The following RALGAPA1 variants were observed in gnomAD, a reference collection of about 807,000 sequenced individuals.
The protein encoded by RALGAPA1 is Ral GTPase activating protein catalytic subunit alpha 1, also known as ral GTPase-activating protein subunit alpha-1.
In RALGAPA1, 52 loss-of-function variants were observed where a neutral mutation model predicts 269.6. The observed-to-expected ratio is 0.19, with a 90% CI of 0.15 to 0.24. The LOEUF is 0.24. RALGAPA1 is among the 10% of genes least tolerant of loss of function. The pLI, the probability that RALGAPA1 is intolerant of heterozygous loss-of-function variation, is 1.00. For synonymous variants in RALGAPA1, 817 were observed against 1,008.3 expected, an observed-to-expected ratio of 0.81 and a Z score of 3.60; for missense variants, 1,917 against 3,013.9, an observed-to-expected ratio of 0.64 and a Z score of 8.52.
intron 37 of RALGAPA1, among the ~76,000 whole-genome samples, chr14:35,589,612 T>G (rs1372733125): frequency 1.3e-5 from 2 of 152,176 alleles, no homozygotes; most frequent in African/African-American, 4.8e-5. Flanking sequence ...GACAGCAGAA[T>G]AGTAATATAT....
chr14:35,544,642 C>T (rs936007621), intron 41 of RALGAPA1, among the ~76,000 whole-genome samples: 2 of 152,180 alleles, frequency 1.3e-5, no homozygotes, highest in Non-Finnish European at 2.9e-5. Flanking sequence ...TCTTGGTCAA[C>T]AACATATAAG....
At chr14:35,666,967 T>C (rs1595053692) in intron 26 of RALGAPA1, among the ~76,000 whole-genome samples, 1 of 152,238 alleles carries the variant, frequency 6.6e-6, no homozygotes, top group Admixed American at 6.5e-5. Flanking sequence ...AAGAGATTTA[T>C]AGTCTAAGTA....
Position 35,683,915 on chromosome 14 carries a change from C to G in RALGAPA1, c.4365G>C (p.Gln1455His). ...TAGCCACTTCCTGCTCTTCAGCACT[C>G]TGATGATGGCCAGAACCTGAATCCA... Reference protein sequence around the residue: ...ADVDSGSGHHQSAEEQEVASL... With the variant: ...ADVDSGSGHHHSAEEQEVASL... The change falls in exon 21 of 42, where the codon CAG becomes CAC. Residue 1455 changes from glutamine (Q) to histidine (H), a missense_variant. Around this residue, in one of 11 missense-constraint regions of RALGAPA1, gnomAD observed 615 missense variants for 790.0 expected, o/e 0.78. Transcript: ENST00000680220. 1 of 1,613,638 alleles carries G rather than the reference C, an allele frequency of 6.2e-7. No individual in the cohort carries two copies. Among genetic ancestry groups the G allele is most frequent in the Non-Finnish European group, 8.5e-7 (1 of 1,179,726 alleles).
At position 35,600,232 on chromosome 14, in the gene RALGAPA1, C is replaced by CTTTTTT. The variant is rs71124708; in HGVS notation, c.7054-4449_7054-4444dup. Among the ~76,000 whole-genome samples, 233 of 86,928 alleles carry CTTTTTT rather than the reference C, an allele frequency of 2.7e-3. 12 individuals carry two copies. The highest frequency in any genetic ancestry group is 9.3e-3 in the African/African-American group (214 of 22,894). 57.0% of individuals were successfully genotyped at this position (86,928 alleles called of 152,430 possible). On this transcript the variant is annotated intron_variant, in intron 36 of 41. Transcript: ENST00000680220. Reference sequence around the variant, plus strand: ...TCCTTTTTTTTCTTTTTCTTTTTTTCTTTTTTTTTTTTTTTTTGAGACAGG... The same window carrying CTTTTTT: ...TCCTTTTTTTTCTTTTTCTTTTTTTCTTTTTTTTTTTTTTTTTTTTTTTGAGACAGG...
At chr14:35,578,143 G>A (rs1256578079) in intron 37 of RALGAPA1, among the ~76,000 whole-genome samples, 3 of 152,110 alleles carry the variant, frequency 2.0e-5, no homozygotes, top group East Asian at 3.8e-4. Context: ...AACAGACATG[G>A]TCTCTGCTAG....
At chr14:35,797,713 C>T (rs1430284909) in intron 1 of RALGAPA1, among the ~76,000 whole-genome samples, 2 of 149,146 alleles carry the variant, frequency 1.3e-5, no homozygotes, top group Non-Finnish European at 3.0e-5. Context: ...GGAGTGGTGG[C>T]ACCTGCCTGT....
At chr14:35,764,263 G>T (rs543715940) in intron 4 of RALGAPA1, among the ~76,000 whole-genome samples, 21 of 151,804 alleles carry the variant, frequency 1.4e-4, no homozygotes, top group Admixed American at 1.1e-3. Context: ...GCTAATTTTT[G>T]TAATTTTTGT....
At chr14:35,581,460 A>G (rs952520766) in intron 37 of RALGAPA1, among the ~76,000 whole-genome samples, 1 of 152,216 alleles carries the variant, frequency 6.6e-6, no homozygotes, top group Non-Finnish European at 1.5e-5. Context: ...GAATCGCAGT[A>G]TCAGGACGTA....
intron 17 of RALGAPA1, among the ~76,000 whole-genome samples, chr14:35,695,837 A>G (rs2066853999): frequency 6.6e-6 from 1 of 152,214 alleles, no homozygotes; most frequent in African/African-American, 2.4e-5. Context: ...TATCAGGAAA[A>G]TAATGACTGT....
chr14:35,743,074 G>A (rs1376512822), intron 10 of RALGAPA1, among the ~76,000 whole-genome samples: 1 of 151,980 alleles, frequency 6.6e-6, no homozygotes, highest in East Asian at 1.9e-4. Context: ...TACAGTTTTG[G>A]GATATGGGAA....
rs2072595502 is a variant in RALGAPA1 at position 35,750,644 on chromosome 14, T to G, written c.849A>C (p.Lys283Asn). 1 of 1,613,358 alleles carries G rather than the reference T, an allele frequency of 6.2e-7. No individual in the cohort carries two copies. Among genetic ancestry groups the G allele is most frequent in the Non-Finnish European group, 8.5e-7 (1 of 1,179,608 alleles). The change falls in exon 9 of 42, where the codon AAA becomes AAC. Residue 283 changes from lysine to asparagine, a missense_variant. Physicochemically the swap from Lys to Asn is moderately conservative, Grantham distance 94 (BLOSUM62 0). Transcript: ENST00000680220. ...RPKPHYVVIKKDAETNEAIYC... is the reference protein window; with the variant it reads ...RPKPHYVVIKNDAETNEAIYC... ...AGATTGCTTCATTGGTTTCAGCATC[T>G]TTCTTTATCACGACATAATGTGGCT...
chr14:35,578,623 A>G (rs1465223905), intron 37 of RALGAPA1, among the ~76,000 whole-genome samples: 1 of 152,254 alleles, frequency 6.6e-6, no homozygotes. Context: ...CAGAGTGGGC[A>G]TTCAATAAAT....
chr14:35,718,903 G>C (rs1429007846), intron 16 of RALGAPA1, among the ~76,000 whole-genome samples: 1 of 150,388 alleles, frequency 6.6e-6, no homozygotes, highest in South Asian at 2.1e-4. Context: ...GCAGTGGTGT[G>C]ATCTCAGCTT....
intron 39 of RALGAPA1, among the ~76,000 whole-genome samples, chr14:35,569,612 T>C (rs928573941): frequency 1.3e-5 from 2 of 152,162 alleles, no homozygotes. Context: ...CTCTTAAACA[T>C]TCCCCATCTT....
At chr14:35,690,205 A>G (rs1384165323) in intron 17 of RALGAPA1, among the ~76,000 whole-genome samples, 3 of 152,240 alleles carry the variant, frequency 2.0e-5, no homozygotes, top group Non-Finnish European at 4.4e-5. Context: ...TCAATGAATT[A>G]GAAAACTACC....
intron 12 of RALGAPA1, among the ~76,000 whole-genome samples, chr14:35,737,201 CT>C (rs2071085417): frequency 6.6e-6 from 1 of 151,712 alleles, no homozygotes; most frequent in South Asian, 2.1e-4. Flanking sequence ...AAAACACAAA[CT>C]TTTTTTTAAA....
chr14:35,603,075 A>G (rs1594774751), intron 36 of RALGAPA1, among the ~76,000 whole-genome samples: 1 of 152,122 alleles, frequency 6.6e-6, no homozygotes, highest in African/African-American at 2.4e-5. Context: ...GTGGACTCTC[A>G]GTTCTATTCC....
intron 41 of RALGAPA1, among the ~76,000 whole-genome samples, chr14:35,544,644 A>G (rs2054293291): frequency 6.6e-6 from 1 of 152,246 alleles, no homozygotes; most frequent in South Asian, 2.1e-4. Flanking sequence ...TTGGTCAACA[A>G]CATATAAGCC....
chr14:35,719,388 T>A (rs1365262782), intron 16 of RALGAPA1, among the ~76,000 whole-genome samples: 1 of 152,210 alleles, frequency 6.6e-6, no homozygotes, highest in African/African-American at 2.4e-5. Context: ...CTGCTGCCCC[T>A]TTTTATAACT....
Sources: allele counts gnomAD v4.1 joint callset (sites outside exome capture counted in the v4.1 genomes callset), GRCh38; gene constraint gnomAD v4.1.1; regional missense constraint gnomAD v4.1.1; transcripts MANE v1.5; gene names NCBI Gene and HGNC (gene_info 2026-07-23, HGNC 2026-07-21).